CNTNAP2: variants seen among roughly 807,000 people sequenced by gnomAD.
The protein encoded by CNTNAP2 is contactin-associated protein-like 2.
In CNTNAP2, 98 loss-of-function variants were observed where a neutral mutation model predicts 155.2. That is an observed-to-expected ratio of 0.63 (90% CI 0.54 to 0.75). The LOEUF is 0.75. CNTNAP2 is among the 30% of genes least tolerant of loss of function. CNTNAP2 has a pLI of 0.00. For synonymous variants in CNTNAP2, 651 were observed against 631.2 expected, an observed-to-expected ratio of 1.03 and a Z score of -0.47; for missense variants, 1,727 against 1,688.1, an observed-to-expected ratio of 1.02 and a Z score of -0.40.
chr7:147,440,122 T>C (rs558311077), intron 10 of CNTNAP2, among the ~76,000 whole-genome samples: 7 of 152,158 alleles, frequency 4.6e-5, no homozygotes, highest in African/African-American at 1.7e-4. Flanking sequence ...TTTTTGTTGT[T>C]GTTTTGTGGT....
At chr7:147,926,082 G>C (rs1800392668) in intron 14 of CNTNAP2, among the ~76,000 whole-genome samples, 1 of 152,158 alleles carries the variant, frequency 6.6e-6, no homozygotes, top group Non-Finnish European at 1.5e-5. Flanking sequence ...GCTCTACTTG[G>C]AGTTTGTTTA....
intron 1 of CNTNAP2, among the ~76,000 whole-genome samples, chr7:146,559,467 C>A (rs1332951610): frequency 6.6e-6 from 1 of 151,812 alleles, no homozygotes; most frequent in Non-Finnish European, 1.5e-5. Context: ...ACTCGGGAGG[C>A]TGAGGCAGGA....
At chr7:147,422,660 A>T (rs1164022244) in intron 10 of CNTNAP2, among the ~76,000 whole-genome samples, 3 of 152,178 alleles carry the variant, frequency 2.0e-5, no homozygotes, top group Non-Finnish European at 4.4e-5. Flanking sequence ...AGCAGAAAAT[A>T]GTCACAGATA....
chr7:148,030,429 T>C (rs1448701342), intron 15 of CNTNAP2, among the ~76,000 whole-genome samples: 5 of 152,196 alleles, frequency 3.3e-5, no homozygotes, highest in Non-Finnish European at 7.3e-5. Flanking sequence ...AGTTTGATTG[T>C]CTTTAATAGT....
At chr7:147,478,165 TGG>T (rs199810499) in intron 10 of CNTNAP2, among the ~76,000 whole-genome samples, 45 of 147,486 alleles carry the variant, frequency 3.1e-4, no homozygotes, top group South Asian at 8.7e-4. Context: ...TTTTTTTGGG[TGG>T]TGGGGGAGGG....
chr7:146,408,655 G>C (rs964344654), intron 1 of CNTNAP2, among the ~76,000 whole-genome samples: 1 of 151,328 alleles, frequency 6.6e-6, no homozygotes, highest in African/African-American at 2.4e-5. Context: ...GATAGCATTA[G>C]GAGATATACC....
intron 1 of CNTNAP2, among the ~76,000 whole-genome samples, chr7:146,660,464 G>A (rs1226633006): frequency 6.6e-6 from 1 of 152,196 alleles, no homozygotes; most frequent in Non-Finnish European, 1.5e-5. Flanking sequence ...ATTTCAGTGT[G>A]TATACCTTTA....
chr7:146,950,310 CT>C (rs1443609465), intron 3 of CNTNAP2, among the ~76,000 whole-genome samples: 1 of 151,884 alleles, frequency 6.6e-6, no homozygotes, highest in East Asian at 1.9e-4. Flanking sequence ...ACTTTTCTTT[CT>C]TTTTTTATAA....
At chr7:148,133,980 C>T (rs897219143) in intron 16 of CNTNAP2, 1 of 152,098 alleles carries the variant, frequency 6.6e-6, no homozygotes, top group East Asian at 1.9e-4. Flanking sequence ...GGAGGAAGAC[C>T]GTGCAACATA....
At chr7:147,305,064 T>C (rs1795003597) in intron 9 of CNTNAP2, among the ~76,000 whole-genome samples, 1 of 152,080 alleles carries the variant, frequency 6.6e-6, no homozygotes, top group African/African-American at 2.4e-5. Flanking sequence ...ATGACCTAAT[T>C]AGCCCCCAAA....
At chr7:147,462,244 A>T (rs773823262) in intron 10 of CNTNAP2, among the ~76,000 whole-genome samples, 53 of 152,308 alleles carry the variant, frequency 3.5e-4, no homozygotes, top group Admixed American at 2.8e-3. Context: ...TATCCTGCCC[A>T]TGCGTCTACG....
intron 1 of CNTNAP2, among the ~76,000 whole-genome samples, chr7:146,770,457 A>G (rs1802274792): frequency 1.3e-5 from 2 of 151,848 alleles, no homozygotes; most frequent in Admixed American, 6.6e-5. Flanking sequence ...TAATTGTTGC[A>G]TTTTTTAGCT....
chr7:147,329,158 A>C (rs891275505), intron 9 of CNTNAP2, among the ~76,000 whole-genome samples: 7 of 151,776 alleles, frequency 4.6e-5, no homozygotes, highest in Non-Finnish European at 8.8e-5. Context: ...ACACACACAC[A>C]CCCACGCATA....
intron 17 of CNTNAP2, among the ~76,000 whole-genome samples, chr7:148,158,267 G>GGCTGAAGT (rs1411159810): frequency 8.3e-6 from 1 of 120,956 alleles, no homozygotes; most frequent in Non-Finnish European, 1.6e-5. Flanking sequence ...TCTGTTACCA[G>GGCTGAAGT]GCTGAAGTGC....
chr7:148,048,846 C>T (rs1173804590), intron 15 of CNTNAP2, among the ~76,000 whole-genome samples: 1 of 152,098 alleles, frequency 6.6e-6, no homozygotes, highest in Non-Finnish European at 1.5e-5. Context: ...GTGGCCAGGA[C>T]CTGAGAAATA....
intron 4 of CNTNAP2, among the ~76,000 whole-genome samples, chr7:147,060,070 G>T (rs1799634135): frequency 6.6e-6 from 1 of 151,950 alleles, no homozygotes; most frequent in African/African-American, 2.4e-5. Context: ...TGAAAATGAA[G>T]GACAAAATAA....
intron 10 of CNTNAP2, among the ~76,000 whole-genome samples, chr7:147,452,844 T>C (rs1797857077): frequency 1.3e-5 from 2 of 149,974 alleles, no homozygotes; most frequent in African/African-American, 2.5e-5. Flanking sequence ...CGTAGAGTAA[T>C]GTGGAAAGGA....
chr7:147,588,574 C>T (rs1442245098), intron 12 of CNTNAP2, among the ~76,000 whole-genome samples: 1 of 152,090 alleles, frequency 6.6e-6, no homozygotes, highest in Non-Finnish European at 1.5e-5. Context: ...AAATTATCAA[C>T]CTGTAAATTG....
At chr7:148,226,313 G>A (rs1052620631) in intron 19 of CNTNAP2, among the ~76,000 whole-genome samples, 1 of 152,112 alleles carries the variant, frequency 6.6e-6, no homozygotes, top group African/African-American at 2.4e-5. Flanking sequence ...ACATAGGATA[G>A]GATTGTTGGA....
Sources: gnomAD v4.1 joint callset for allele counts (sites outside exome capture counted in the v4.1 genomes callset) on GRCh38, gnomAD v4.1.1 for gene constraint, MANE v1.5 for transcripts, NCBI Gene and HGNC (gene_info 2026-07-23, HGNC 2026-07-21) for gene names.